The following PHACTR1 variants were observed in gnomAD, a reference collection of about 807,000 sequenced individuals.
PHACTR1 encodes phosphatase and actin regulator 1.
In PHACTR1, 16 loss-of-function variants were observed where a neutral mutation model predicts 69.2. The ratio of observed to expected loss-of-function variants is 0.23; its 90% confidence interval spans 0.16 to 0.35. The LOEUF is 0.35. PHACTR1 is among the 10% of genes least tolerant of loss of function. The pLI is 1.00. For synonymous variants in PHACTR1, 312 were observed against 284.5 expected (o/e 1.10, Z -0.97); for missense variants, 510 against 734.7 (o/e 0.69, Z 3.54).
At chr6:13,187,319 T>G (rs891689074) in intron 7 of PHACTR1, among the ~76,000 whole-genome samples, 14 of 152,140 alleles carry the variant, frequency 9.2e-5, no homozygotes, top group Non-Finnish European at 1.5e-5. Context: ...CAATGCAGTC[T>G]GATAAAGAGA....
At chr6:13,053,330 CT>C (rs1244927171) in intron 4 of PHACTR1, 34 bp from the exon 5 acceptor site, 1 of 1,559,164 alleles carries the variant, frequency 6.4e-7, no homozygotes, top group Non-Finnish European at 8.7e-7. Context: ...CTTTTTTTCT[CT>C]CTTTGTTTTC....
At chr6:13,195,988 T>A (rs1322196362) in intron 7 of PHACTR1, among the ~76,000 whole-genome samples, 4 of 151,656 alleles carry the variant, frequency 2.6e-5, no homozygotes, top group African/African-American at 9.7e-5. Context: ...ACATTCACGG[T>A]TTGGGTTTAT....
intron 4 of PHACTR1, among the ~76,000 whole-genome samples, chr6:12,936,541 G>A (rs916286484): frequency 1.3e-5 from 2 of 152,202 alleles, no homozygotes; most frequent in African/African-American, 2.4e-5. Flanking sequence ...TTAAGTGACT[G>A]TTTACATCTG....
intron 4 of PHACTR1, among the ~76,000 whole-genome samples, chr6:12,809,424 A>G (rs770698591): frequency 1.3e-5 from 2 of 152,194 alleles, no homozygotes. Flanking sequence ...AAGAAGGCCC[A>G]GTGAAACCTC....
At chr6:13,249,062 T>G (rs1309617360) in intron 10 of PHACTR1, among the ~76,000 whole-genome samples, 2 of 152,210 alleles carry the variant, frequency 1.3e-5, no homozygotes, top group Non-Finnish European at 2.9e-5. Context: ...TTTGATTAAC[T>G]GTTCGTGGCT....
chr6:12,819,414 A>G (rs538803517), intron 4 of PHACTR1, among the ~76,000 whole-genome samples: 1 of 152,334 alleles, frequency 6.6e-6, no homozygotes, highest in East Asian at 1.9e-4. Flanking sequence ...TGAGTCTCTC[A>G]TATATTTCAA....
chr6:12,986,996 C>T (rs1747248492), intron 4 of PHACTR1, among the ~76,000 whole-genome samples: 1 of 152,144 alleles, frequency 6.6e-6, no homozygotes, highest in South Asian at 2.1e-4. Context: ...ATAAGACTGT[C>T]ATCTGTGCAT....
At chr6:12,960,584 C>T (rs747192080) in intron 4 of PHACTR1, among the ~76,000 whole-genome samples, 5 of 152,150 alleles carry the variant, frequency 3.3e-5, no homozygotes, top group Admixed American at 6.5e-5. Flanking sequence ...TGGGTCACAG[C>T]GACCCCACAC....
intron 10 of PHACTR1, among the ~76,000 whole-genome samples, chr6:13,251,868 A>G (rs1248498744): frequency 1.3e-5 from 2 of 152,064 alleles, no homozygotes; most frequent in Non-Finnish European, 2.9e-5. Flanking sequence ...CAGCCTGAGC[A>G]ACATAGCAAG....
intron 8 of PHACTR1, among the ~76,000 whole-genome samples, chr6:13,213,842 GTTC>G (rs1300035671): frequency 2.0e-5 from 3 of 152,168 alleles, no homozygotes; most frequent in Non-Finnish European, 2.9e-5. Flanking sequence ...ATACATTTCT[GTTC>G]TTCTTAAATT....
At chr6:12,778,430 G>A (rs1183180220) in intron 4 of PHACTR1, among the ~76,000 whole-genome samples, 2 of 152,036 alleles carry the variant, frequency 1.3e-5, no homozygotes, top group Non-Finnish European at 2.9e-5. Context: ...TCAAGTTTGG[G>A]GTGATAGTTT....
intron 4 of PHACTR1, among the ~76,000 whole-genome samples, chr6:12,760,960 G>A (rs772914737): frequency 4.6e-5 from 7 of 152,054 alleles, no homozygotes; most frequent in African/African-American, 7.2e-5. Flanking sequence ...CAACAGAATC[G>A]TAGCTTTCTG....
chr6:13,185,894 G>A (rs1762766880), intron 7 of PHACTR1, among the ~76,000 whole-genome samples: 1 of 152,148 alleles, frequency 6.6e-6, no homozygotes, highest in Non-Finnish European at 1.5e-5. Flanking sequence ...AAACACTGAG[G>A]TTCAAGAAAA....
intron 4 of PHACTR1, among the ~76,000 whole-genome samples, chr6:13,025,664 A>C (rs112331162): frequency 8.1e-6 from 1 of 122,900 alleles, no homozygotes; most frequent in Non-Finnish European, 1.7e-5. Flanking sequence ...GATAAGTCAT[A>C]TATTATTTGT....
At chr6:12,834,655 A>T (rs1777956668) in intron 4 of PHACTR1, among the ~76,000 whole-genome samples, 1 of 152,136 alleles carries the variant, frequency 6.6e-6, no homozygotes, top group African/African-American at 2.4e-5. Flanking sequence ...TACAAGCAAA[A>T]CCTAATACCA....
At chr6:12,721,524 C>T (rs1216762214) in intron 3 of PHACTR1, among the ~76,000 whole-genome samples, 1 of 152,176 alleles carries the variant, frequency 6.6e-6, no homozygotes, top group East Asian at 1.9e-4. Context: ...TGATTCATTT[C>T]TTGTCCTGTC....
chr6:13,103,034 C>T (rs1319523853), intron 5 of PHACTR1, among the ~76,000 whole-genome samples: 1 of 152,112 alleles, frequency 6.6e-6, no homozygotes, highest in African/African-American at 2.4e-5. Flanking sequence ...GCTCAGTTTG[C>T]CTCGGCTTGA....
chr6:12,742,433 C>G (rs910662788), intron 3 of PHACTR1, among the ~76,000 whole-genome samples: 1 of 152,120 alleles, frequency 6.6e-6, no homozygotes, highest in African/African-American at 2.4e-5. Context: ...AGAGGTCAAT[C>G]TGGTTGCCAT....
Position 13,206,143 on chromosome 6 carries a change from G to T in PHACTR1, c.986+7G>T, listed in dbSNP as rs950788199. ...CCATGCAGAGGCTGGAAAGGTAAAG[G>T]TGGGCACCAGGAGGGAGGACGGGAG... On this transcript the variant is annotated splice_region_variant and intron_variant, in intron 8 of 14. Coordinates refer to ENST00000332995, the MANE Select transcript of PHACTR1 (RefSeq NM_030948.6). The T allele has an allele frequency of 3.8e-6, 6 of 1,569,442 alleles. No individual in the cohort carries two copies. The African/African-American group carries it at 8.1e-5, about 21-fold the overall frequency.
Sources: gnomAD v4.1 joint callset for allele counts (sites outside exome capture counted in the v4.1 genomes callset) on GRCh38, gnomAD v4.1.1 for gene constraint, MANE v1.5 for transcripts, NCBI Gene and HGNC (gene_info 2026-07-23, HGNC 2026-07-21) for gene names.